SPTLC2: variants seen among roughly 807,000 people sequenced by gnomAD.
SPTLC2 encodes the protein serine palmitoyltransferase long chain base subunit 2.
In SPTLC2, 21 loss-of-function variants were observed where a neutral mutation model predicts 62.0. The observed-to-expected ratio is 0.34, with a 90% CI of 0.24 to 0.49. The LOEUF is 0.49. Ranked by LOEUF, SPTLC2 falls within the 20% of genes least tolerant of loss-of-function variation. SPTLC2 has a pLI of 0.99. For missense variants in SPTLC2, 511 were observed against 713.0 expected (o/e 0.72, Z 3.23); for synonymous variants, 261 against 261.8 (o/e 1.00, Z 0.03).
chr14:77,527,290 G>A lies in SPTLC2; in HGVS notation c.1304-5709C>T, dbSNP rs577539326. On this transcript the variant is annotated intron_variant, in intron 9 of 11. Transcript: ENST00000216484. ...TTTTTGTATTTTTAGTAGAGACAGG[G>A]CTTCACTTTGTTGGCCAGGCTGGTC... Among the ~76,000 whole-genome samples, 3 of 152,056 alleles carry A rather than the reference G, an allele frequency of 2.0e-5. No individual in the cohort carries two copies. The South Asian group carries it at 6.2e-4, about 32-fold the overall frequency.
intron 2 of SPTLC2, among the ~76,000 whole-genome samples, chr14:77,591,842 G>A (rs2079819401): frequency 6.6e-6 from 1 of 152,030 alleles, no homozygotes; most frequent in Admixed American, 6.6e-5. Context: ...TCGTGCCTCA[G>A]CCTCCCAAGT....
chr14:77,548,530 T>C (rs1038367000), intron 9 of SPTLC2, among the ~76,000 whole-genome samples: 10 of 152,254 alleles, frequency 6.6e-5, no homozygotes, highest in Non-Finnish European at 1.0e-4. Context: ...AAGTAAAAGT[T>C]AGAATTTCAA....
At chr14:77,614,834 G>C (rs917209384) in intron 1 of SPTLC2, among the ~76,000 whole-genome samples, 1 of 151,368 alleles carries the variant, frequency 6.6e-6, no homozygotes, top group Non-Finnish European at 1.5e-5. Context: ...AGCCGGGCGT[G>C]ATGACGGGCG....
chr14:77,560,675 G>C (rs752466145), intron 6 of SPTLC2, among the ~76,000 whole-genome samples: 1 of 151,088 alleles, frequency 6.6e-6, no homozygotes, highest in African/African-American at 2.4e-5. Flanking sequence ...ATACTATGTA[G>C]CCATAAGAAA....
intron 4 of SPTLC2, among the ~76,000 whole-genome samples, chr14:77,575,487 A>G (rs2140038095): frequency 6.6e-6 from 1 of 152,186 alleles, no homozygotes; most frequent in South Asian, 2.1e-4. Flanking sequence ...ATACTTTGGG[A>G]CCTGTACAGC....
intron 1 of SPTLC2, among the ~76,000 whole-genome samples, chr14:77,613,428 A>G (rs1031274305): frequency 6.6e-6 from 1 of 152,216 alleles, no homozygotes; most frequent in Admixed American, 6.5e-5. Flanking sequence ...TTACTGCTCT[A>G]TTGTTCAACT....
intron 1 of SPTLC2, among the ~76,000 whole-genome samples, chr14:77,615,051 C>A (rs2079958923): frequency 6.6e-6 from 1 of 152,106 alleles, no homozygotes; most frequent in Admixed American, 6.6e-5. Context: ...TAACTCCTAC[C>A]CGTTAAATTT....
intron 2 of SPTLC2, among the ~76,000 whole-genome samples, chr14:77,587,489 A>G (rs2079788307): frequency 6.6e-6 from 1 of 152,048 alleles, no homozygotes; most frequent in Non-Finnish European, 1.5e-5. Context: ...AAGGAAGGCC[A>G]GACACAGTGG....
intron 9 of SPTLC2, among the ~76,000 whole-genome samples, chr14:77,532,428 T>C (rs1256764936): frequency 6.6e-6 from 1 of 152,200 alleles, no homozygotes; most frequent in African/African-American, 2.4e-5. Context: ...TTCTTCTGCA[T>C]ACCCTGCCAA....
intron 1 of SPTLC2, among the ~76,000 whole-genome samples, chr14:77,603,245 T>G (rs1185440170): frequency 6.6e-6 from 1 of 152,216 alleles, no homozygotes; most frequent in East Asian, 1.9e-4. Context: ...GCCCAGCTGG[T>G]GAATGGTTTG....
intron 9 of SPTLC2, among the ~76,000 whole-genome samples, chr14:77,539,790 G>A (rs778107099): frequency 2.0e-5 from 3 of 151,872 alleles, no homozygotes; most frequent in Non-Finnish European, 2.9e-5. Context: ...GTGCCCAGCC[G>A]CTTAAGAGGC....
intron 6 of SPTLC2, among the ~76,000 whole-genome samples, chr14:77,557,487 G>A (rs1371689567): frequency 6.6e-6 from 1 of 152,136 alleles, no homozygotes; most frequent in Non-Finnish European, 1.5e-5. Context: ...GAATCAAACT[G>A]TATCTCTAAT....
intron 9 of SPTLC2, among the ~76,000 whole-genome samples, chr14:77,546,765 C>T (rs8020216): frequency 0.22 from 33,652 of 150,072 alleles, 4,473 homozygotes; most frequent in East Asian, 0.56. Flanking sequence ...GATGGAGTTT[C>T]GCTCTTGTTG....
intron 6 of SPTLC2, among the ~76,000 whole-genome samples, chr14:77,558,306 A>G (rs982155308): frequency 7.6e-6 from 1 of 132,444 alleles, no homozygotes; most frequent in Non-Finnish European, 1.6e-5. Context: ...TCGGCCTCCC[A>G]AAGTGCTGGG....
chr14:77,602,263 C>A (rs1413264992), intron 1 of SPTLC2, among the ~76,000 whole-genome samples: 1 of 152,190 alleles, frequency 6.6e-6, no homozygotes, highest in Non-Finnish European at 1.5e-5. Flanking sequence ...CTACATAGCT[C>A]CACTTAGACT....
At chr14:77,558,562 A>G (rs968138952) in intron 6 of SPTLC2, among the ~76,000 whole-genome samples, 2 of 152,180 alleles carry the variant, frequency 1.3e-5, no homozygotes, top group African/African-American at 4.8e-5. Flanking sequence ...CGACCTAATC[A>G]AGATTCAGGA....
At chr14:77,592,976 G>T (rs1166768678) in intron 2 of SPTLC2, among the ~76,000 whole-genome samples, 1 of 151,992 alleles carries the variant, frequency 6.6e-6, no homozygotes, top group Non-Finnish European at 1.5e-5. Flanking sequence ...GGTGGTGCAT[G>T]ACTGTAATTC....
chr14:77,572,279 T>A (rs2079688240), intron 4 of SPTLC2, among the ~76,000 whole-genome samples: 1 of 152,188 alleles, frequency 6.6e-6, no homozygotes, highest in South Asian at 2.1e-4. Context: ...TTGAAAATCA[T>A]CACAAAACAA....
intron 9 of SPTLC2, among the ~76,000 whole-genome samples, chr14:77,523,408 T>G (rs1173719868): frequency 6.6e-6 from 1 of 150,946 alleles, no homozygotes; most frequent in East Asian, 2.2e-4. Flanking sequence ...GAGTGGAGAG[T>G]GGTCAGTTGA....
Sources: allele counts gnomAD v4.1 joint callset (sites outside exome capture counted in the v4.1 genomes callset), GRCh38; gene constraint gnomAD v4.1.1; transcripts MANE v1.5; gene names NCBI Gene and HGNC (gene_info 2026-07-23, HGNC 2026-07-21).